WDR49: variants seen among roughly 807,000 people sequenced by gnomAD.
The protein encoded by WDR49 is cilia- and flagella-associated protein 337.
Under a neutral mutation model 119.5 loss-of-function variants are expected in WDR49, and 107 were observed. That is an observed-to-expected ratio of 0.90 (90% CI 0.77 to 1.05). The LOEUF (loss-of-function observed/expected upper bound fraction) is 1.05, where lower values mean the gene tolerates loss of function less well. WDR49 is among the 50% of genes least tolerant of loss of function. WDR49 has a pLI of 0.00. For missense variants in WDR49, 1,240 were observed against 1,220.5 expected, an observed-to-expected ratio of 1.02 and a Z score of -0.24; for synonymous variants, 425 against 418.8, an observed-to-expected ratio of 1.01 and a Z score of -0.18.
At chr3:167,518,132 A>C (rs1253457118) in intron 16 of WDR49, among the ~76,000 whole-genome samples, 1 of 151,826 alleles carries the variant, frequency 6.6e-6, no homozygotes, top group Non-Finnish European at 1.5e-5. Flanking sequence ...CCAGTCTATC[A>C]TTGTTGGACA....
chr3:167,648,893 G>T (rs1428642337), intron 2 of WDR49, among the ~76,000 whole-genome samples: 1 of 152,090 alleles, frequency 6.6e-6, no homozygotes, highest in South Asian at 2.1e-4. Flanking sequence ...CTGTCATGTT[G>T]CAGATATTAT....
At chr3:167,569,129 A>G (rs1316043865) in intron 8 of WDR49, among the ~76,000 whole-genome samples, 2 of 152,084 alleles carry the variant, frequency 1.3e-5, no homozygotes, top group Non-Finnish European at 2.9e-5. Context: ...TTTTTAGTAG[A>G]GATGGGGTTT....
chr3:167,639,278 C>A (rs1717766416), intron 2 of WDR49, among the ~76,000 whole-genome samples: 1 of 151,672 alleles, frequency 6.6e-6, no homozygotes, highest in Non-Finnish European at 1.5e-5. Context: ...TCCATAGGAT[C>A]ATAGATTAAT....
At chr3:167,503,669 C>T (rs994767907) in intron 17 of WDR49, among the ~76,000 whole-genome samples, 1 of 152,138 alleles carries the variant, frequency 6.6e-6, no homozygotes, top group Non-Finnish European at 1.5e-5. Flanking sequence ...GACACCCTGC[C>T]AGATCCAGAG....
At chr3:167,642,860 T>C (rs1399150837) in intron 2 of WDR49, among the ~76,000 whole-genome samples, 1 of 151,940 alleles carries the variant, frequency 6.6e-6, no homozygotes, top group Admixed American at 6.6e-5. Flanking sequence ...ATTTGGGGCA[T>C]TTTGAGTATC....
intron 18 of WDR49, among the ~76,000 whole-genome samples, chr3:167,483,579 G>C (rs1356283580): frequency 6.6e-6 from 1 of 152,014 alleles, no homozygotes; most frequent in Admixed American, 6.6e-5. Context: ...AATTTTGGTA[G>C]CTCTCTTTAG....
intron 3 of WDR49, among the ~76,000 whole-genome samples, chr3:167,625,953 A>T (rs1471492310): frequency 6.6e-6 from 1 of 151,944 alleles, no homozygotes; most frequent in Non-Finnish European, 1.5e-5. Context: ...GGAACAAAGA[A>T]AAGCATGTAT....
intron 11 of WDR49, among the ~76,000 whole-genome samples, chr3:167,536,655 G>A (rs968135113): frequency 6.0e-5 from 9 of 149,264 alleles, no homozygotes; most frequent in South Asian, 2.1e-4. Flanking sequence ...ACTCTAGCCT[G>A]GGCAACAGAG....
At chr3:167,626,481 C>T (rs1465390975) in intron 3 of WDR49, among the ~76,000 whole-genome samples, 4 of 152,008 alleles carry the variant, frequency 2.6e-5, no homozygotes, top group Admixed American at 6.6e-5. Flanking sequence ...AGAATGAAGA[C>T]ACTGACTAGC....
intron 16 of WDR49, among the ~76,000 whole-genome samples, chr3:167,521,671 C>A (rs1284603439): frequency 2.0e-5 from 3 of 152,100 alleles, no homozygotes; most frequent in Admixed American, 6.6e-5. Flanking sequence ...GCTCAGATAT[C>A]TATCTCTACA....
intron 18 of WDR49, among the ~76,000 whole-genome samples, chr3:167,492,497 T>C (rs577934979): frequency 3.3e-5 from 5 of 152,270 alleles, no homozygotes; most frequent in East Asian, 1.9e-4. Flanking sequence ...AAGTCCCACA[T>C]TGTAGAACTC....
chr3:167,484,418 A>G (rs1018554774), intron 18 of WDR49, among the ~76,000 whole-genome samples: 5 of 152,164 alleles, frequency 3.3e-5, no homozygotes, highest in African/African-American at 1.2e-4. Flanking sequence ...CAGGTTGTAC[A>G]CATGTACCCT....
At chr3:167,624,971 GTGAC>G (rs1717064168) in intron 3 of WDR49, among the ~76,000 whole-genome samples, 1 of 152,010 alleles carries the variant, frequency 6.6e-6, no homozygotes, top group African/African-American at 2.4e-5. Flanking sequence ...TACATCCTGG[GTGAC>G]TGAGGGCAAA....
chr3:167,607,824 C>G (rs1261409453), intron 5 of WDR49, among the ~76,000 whole-genome samples: 1 of 152,070 alleles, frequency 6.6e-6, no homozygotes, highest in Non-Finnish European at 1.5e-5. Context: ...GCCTCTGATC[C>G]CCACGGGAAC....
At chr3:167,513,045 G>A (rs1752047641) in intron 16 of WDR49, among the ~76,000 whole-genome samples, 1 of 152,182 alleles carries the variant, frequency 6.6e-6, no homozygotes, top group Non-Finnish European at 1.5e-5. Flanking sequence ...TATCATCCAG[G>A]AGAACTTTCT....
chr3:167,567,915 T>C (rs1405755845), intron 8 of WDR49, among the ~76,000 whole-genome samples: 2 of 152,354 alleles, frequency 1.3e-5, no homozygotes, highest in East Asian at 3.9e-4. Context: ...CTTCATGTTG[T>C]ACAGCCAAAA....
chr3:167,634,722 A>G (rs944081282), intron 2 of WDR49, among the ~76,000 whole-genome samples: 1 of 151,886 alleles, frequency 6.6e-6, no homozygotes, highest in East Asian at 1.9e-4. Flanking sequence ...TTTGTCATTA[A>G]GAAGAGATCG....
chr3:167,586,046 A>T, intron 7 of WDR49, among the ~76,000 whole-genome samples: 1 of 152,206 alleles, frequency 6.6e-6, no homozygotes, highest in African/African-American at 2.4e-5. Flanking sequence ...ATAAATGGTA[A>T]GACAAAATTC....
At chr3:167,592,399 C>T (rs1715162564) in intron 7 of WDR49, among the ~76,000 whole-genome samples, 1 of 149,896 alleles carries the variant, frequency 6.7e-6, no homozygotes, top group Non-Finnish European at 1.5e-5. Context: ...ACTATTACCA[C>T]TGAGTTTTGT....
Sources: allele counts gnomAD v4.1 joint callset (sites outside exome capture counted in the v4.1 genomes callset), GRCh38; gene constraint gnomAD v4.1.1; transcripts MANE v1.5; gene names NCBI Gene and HGNC (gene_info 2026-07-23, HGNC 2026-07-21).